TIAM1: variants seen among roughly 807,000 people sequenced by gnomAD.
TIAM1 encodes the protein TIAM Rac1 associated GEF 1.
Under a neutral mutation model 163.5 loss-of-function variants are expected in TIAM1, and 65 were observed. The observed-to-expected ratio is 0.40, with a 90% CI of 0.33 to 0.49. The LOEUF (loss-of-function observed/expected upper bound fraction) is 0.49, where lower values mean the gene tolerates loss of function less well. TIAM1 is among the 20% of genes least tolerant of loss of function. The pLI is 0.77. For missense variants in TIAM1, 1,789 were observed against 2,044.7 expected (o/e 0.87, Z 2.41); for synonymous variants, 833 against 810.1 (o/e 1.03, Z -0.48).
At chr21:31,178,994 G>A (rs187255763) in intron 15 of TIAM1, among the ~76,000 whole-genome samples, 8,487 of 150,974 alleles carry the variant, frequency 0.056, 312 homozygotes, top group Non-Finnish European at 0.081. Flanking sequence ...CAGGTGATCC[G>A]CCCACCCTGG....
intron 16 of TIAM1, among the ~76,000 whole-genome samples, chr21:31,156,802 G>A (rs2284473): frequency 0.17 from 26,484 of 152,142 alleles, 6,074 homozygotes; most frequent in African/African-American, 0.53. Flanking sequence ...CCCTGTCCCT[G>A]TCTTATCCCA....
At chr21:31,315,510 C>T (rs1400512781) in intron 2 of TIAM1, among the ~76,000 whole-genome samples, 1 of 150,044 alleles carries the variant, frequency 6.7e-6, no homozygotes, top group African/African-American at 2.5e-5. Flanking sequence ...GCAAGACTCC[C>T]TCTCAAAAAA....
chr21:31,171,062 A>AAAAAAAAAC, intron 15 of TIAM1, among the ~76,000 whole-genome samples: 1 of 119,318 alleles, frequency 8.4e-6, no homozygotes, highest in Middle Eastern at 4.9e-3. Context: ...AAAAAAAAAA[A>AAAAAAAAAC]TTGGGGGCCA....
At chr21:31,507,427 G>A (rs1360784666) in intron 1 of TIAM1, among the ~76,000 whole-genome samples, 2 of 151,444 alleles carry the variant, frequency 1.3e-5, no homozygotes, top group African/African-American at 4.9e-5. Context: ...GGCTGGTCTT[G>A]AACTCCTGAC....
chr21:31,519,308 A>G, intron 1 of TIAM1, among the ~76,000 whole-genome samples: 2 of 145,492 alleles, frequency 1.4e-5, no homozygotes, highest in South Asian at 2.2e-4. Flanking sequence ...TCTGTCTCAA[A>G]AAAAAAAAAA....
intron 10 of TIAM1, among the ~76,000 whole-genome samples, chr21:31,210,603 A>AG (rs2086706839): frequency 4.6e-5 from 5 of 108,264 alleles, no homozygotes; most frequent in Non-Finnish European, 7.5e-5. Flanking sequence ...AGAGAGAAAG[A>AG]AGGAAGGAAG....
intron 2 of TIAM1, among the ~76,000 whole-genome samples, chr21:31,443,186 A>G (rs967802329): frequency 2.0e-5 from 3 of 152,220 alleles, no homozygotes; most frequent in Admixed American, 2.0e-4. Context: ...AGTGCCCAAC[A>G]TGGGACAAGG....
chr21:31,481,830 G>A (rs2046117577), intron 1 of TIAM1, among the ~76,000 whole-genome samples: 1 of 151,332 alleles, frequency 6.6e-6, no homozygotes, highest in Non-Finnish European at 1.5e-5. Flanking sequence ...CAGCATGAGT[G>A]AGTAAATCAT....
At chr21:31,512,957 T>C (rs2147475556) in intron 1 of TIAM1, among the ~76,000 whole-genome samples, 1 of 152,254 alleles carries the variant, frequency 6.6e-6, no homozygotes, top group East Asian at 1.9e-4. Context: ...GACAGTCTTT[T>C]CTAACCATAG....
intron 2 of TIAM1, among the ~76,000 whole-genome samples, chr21:31,319,422 A>G (rs2075234473): frequency 6.6e-6 from 1 of 152,116 alleles, no homozygotes; most frequent in Admixed American, 6.6e-5. Flanking sequence ...CCCACCAACA[A>G]TGCACAAGGG....
intron 2 of TIAM1, among the ~76,000 whole-genome samples, chr21:31,382,003 C>T (rs192518579): frequency 6.6e-6 from 1 of 152,262 alleles, no homozygotes; most frequent in African/African-American, 2.4e-5. Context: ...GATTAAGCTG[C>T]CCAGTTTGTG....
chr21:31,528,136 G>A (rs918319094), intron 1 of TIAM1, among the ~76,000 whole-genome samples: 1 of 152,170 alleles, frequency 6.6e-6, no homozygotes, highest in Non-Finnish European at 1.5e-5. Context: ...AAGGGAGCAG[G>A]GAGGGGGGAT....
At chr21:31,428,049 G>C (rs1412483376) in intron 2 of TIAM1, among the ~76,000 whole-genome samples, 1 of 152,094 alleles carries the variant, frequency 6.6e-6, no homozygotes, top group East Asian at 1.9e-4. Context: ...ATCACCTGAG[G>C]TAAGAAGTTC....
At chr21:31,147,662 T>C (rs1044698983) in intron 19 of TIAM1, among the ~76,000 whole-genome samples, 1 of 145,740 alleles carries the variant, frequency 6.9e-6, no homozygotes, top group Non-Finnish European at 1.5e-5. Context: ...TATGTAAATA[T>C]ATAATATATA....
At chr21:31,164,153 G>A (rs949767999) in intron 16 of TIAM1, among the ~76,000 whole-genome samples, 3 of 152,184 alleles carry the variant, frequency 2.0e-5, no homozygotes, top group African/African-American at 7.2e-5. Context: ...CACTTTGGGA[G>A]GCCAAGGCGG....
chr21:31,391,142 G>A (rs1159138210), intron 2 of TIAM1, among the ~76,000 whole-genome samples: 1 of 152,110 alleles, frequency 6.6e-6, no homozygotes, highest in Non-Finnish European at 1.5e-5. Flanking sequence ...GCTCTTGGTG[G>A]GGATTTTAAA....
intron 2 of TIAM1, among the ~76,000 whole-genome samples, chr21:31,463,080 G>C (rs2045393618): frequency 6.6e-6 from 1 of 152,010 alleles, no homozygotes; most frequent in East Asian, 1.9e-4. Flanking sequence ...GCACACCAGG[G>C]CTGGGGACGC....
chr21:31,482,989 C>T (rs1400162863), intron 1 of TIAM1, among the ~76,000 whole-genome samples: 1 of 152,158 alleles, frequency 6.6e-6, no homozygotes, highest in Non-Finnish European at 1.5e-5. Context: ...GATACAGAGG[C>T]TCAGACACTA....
chr21:31,452,134 A>G (rs1046761864), intron 2 of TIAM1, among the ~76,000 whole-genome samples: 3 of 152,186 alleles, frequency 2.0e-5, no homozygotes, highest in Non-Finnish European at 2.9e-5. Flanking sequence ...GCAGGACATG[A>G]CAAAATGATG....
Sources: allele counts gnomAD v4.1 joint callset (sites outside exome capture counted in the v4.1 genomes callset), GRCh38; gene constraint gnomAD v4.1.1; transcripts MANE v1.5; gene names NCBI Gene and HGNC (gene_info 2026-07-23, HGNC 2026-07-21).